Variants in TSHZ2 observed in about 807,000 individuals in gnomAD.
The protein encoded by TSHZ2 is teashirt zinc finger homeobox 2, also known as teashirt homolog 2.
A neutral mutation model predicts 74.4 loss-of-function variants in TSHZ2; 21 were observed. The observed-to-expected ratio is 0.28, with a 90% CI of 0.20 to 0.41. TSHZ2 has a LOEUF of 0.41. Ranked by LOEUF, TSHZ2 falls within the 10% of genes least tolerant of loss-of-function variation. The pLI, the probability that TSHZ2 is intolerant of heterozygous loss-of-function variation, is 1.00. For missense variants in TSHZ2, 1,244 were observed against 1,293.5 expected (o/e 0.96, Z 0.59); for synonymous variants, 540 against 515.3 (o/e 1.05, Z -0.65).
At chr20:53,320,545 G>A (rs1979216242) in intron 2 of TSHZ2, among the ~76,000 whole-genome samples, 1 of 152,040 alleles carries the variant, frequency 6.6e-6, no homozygotes, top group South Asian at 2.1e-4. Flanking sequence ...CAATGAAAAT[G>A]CAATAACAAG....
intron 2 of TSHZ2, among the ~76,000 whole-genome samples, chr20:53,375,527 A>G (rs1344865098): frequency 1.3e-5 from 2 of 152,224 alleles, no homozygotes; most frequent in Non-Finnish European, 2.9e-5. Context: ...ATAACCTCCC[A>G]TTAGTCATCA....
chr20:53,480,275 G>T (rs1394812974), intron 2 of TSHZ2, among the ~76,000 whole-genome samples: 1 of 151,768 alleles, frequency 6.6e-6, no homozygotes, highest in Non-Finnish European at 1.5e-5. Context: ...CTCCATGTTG[G>T]CCAGGCTGGT....
At chr20:53,349,896 A>T (rs1600824186) in intron 2 of TSHZ2, among the ~76,000 whole-genome samples, 1 of 152,262 alleles carries the variant, frequency 6.6e-6, no homozygotes, top group East Asian at 1.9e-4. Flanking sequence ...GTAGAGAAAA[A>T]ATTAAGGTGT....
At chr20:52,982,376 T>C (rs927789322) in intron 1 of TSHZ2, among the ~76,000 whole-genome samples, 5 of 152,200 alleles carry the variant, frequency 3.3e-5, no homozygotes, top group African/African-American at 1.2e-4. Context: ...ATTCTCCCCC[T>C]GTGTCTATTG....
intron 1 of TSHZ2, among the ~76,000 whole-genome samples, chr20:53,139,587 AT>A (rs1987337234): frequency 6.6e-6 from 1 of 152,182 alleles, no homozygotes. Context: ...ACTGGCCAGC[AT>A]TTTGCTTTTA....
Position 53,254,441 on chromosome 20 carries a change from A to G in TSHZ2, c.983A>G (p.Asn328Ser), listed in dbSNP as rs2123722952. The G allele has an allele frequency of 6.2e-7, 1 of 1,613,578 alleles. No individual in the cohort carries two copies. Among genetic ancestry groups the G allele is most frequent in the Non-Finnish European group, 8.5e-7 (1 of 1,179,534 alleles). The change falls in exon 2 of 3, where the codon AAT (asparagine) becomes AGT (serine). Residue 328 changes from asparagine (N) to serine (S), a missense_variant. Coordinates refer to ENST00000371497, the MANE Select transcript of TSHZ2 (RefSeq NM_173485.6). The stretch of plus-strand genomic sequence containing the variant: ...GCTAAGAAACGCGTTTTTGATGTCA[A>G]TCGGCCGTGTTCCCCCGATTCAACC... ...TPAKKRVFDV[N>S]RPCSPDSTTG... is the part of the protein sequence containing the mutation.
intron 2 of TSHZ2, among the ~76,000 whole-genome samples, chr20:53,391,978 C>A (rs773033243): frequency 2.0e-5 from 3 of 152,090 alleles, no homozygotes; most frequent in Non-Finnish European, 4.4e-5. Flanking sequence ...AGTAATTTTA[C>A]ATCTCTGAAT....
chr20:53,226,830 A>G (rs1269442081), intron 1 of TSHZ2, among the ~76,000 whole-genome samples: 2 of 152,058 alleles, frequency 1.3e-5, no homozygotes, highest in Admixed American at 1.3e-4. Context: ...GACTCCAGAT[A>G]TTGTGCCCTG....
At chr20:53,395,079 G>A (rs1326570061) in intron 2 of TSHZ2, among the ~76,000 whole-genome samples, 1 of 152,138 alleles carries the variant, frequency 6.6e-6, no homozygotes, top group Non-Finnish European at 1.5e-5. Flanking sequence ...GTGGAGGAAA[G>A]TAGAATTCAG....
intron 2 of TSHZ2, among the ~76,000 whole-genome samples, chr20:53,426,664 A>G (rs1983668443): frequency 6.6e-6 from 1 of 152,208 alleles, no homozygotes; most frequent in African/African-American, 2.4e-5. Context: ...ACTGCTAATA[A>G]AGTATACTTG....
intron 1 of TSHZ2, among the ~76,000 whole-genome samples, chr20:53,101,130 T>A (rs1011956739): frequency 3.3e-5 from 5 of 152,212 alleles, no homozygotes; most frequent in African/African-American, 1.2e-4. Context: ...TCTAAGGACA[T>A]CTGTGGTCTC....
chr20:53,451,952 G>A (rs1245212109), intron 2 of TSHZ2, among the ~76,000 whole-genome samples: 1 of 152,218 alleles, frequency 6.6e-6, no homozygotes, highest in Non-Finnish European at 1.5e-5. Flanking sequence ...AAAGCAGGTC[G>A]AATCCAAGGC....
At chr20:52,979,569 G>A (rs1981483018) in intron 1 of TSHZ2, among the ~76,000 whole-genome samples, 2 of 152,168 alleles carry the variant, frequency 1.3e-5, no homozygotes, top group Non-Finnish European at 2.9e-5. Flanking sequence ...GGGAATTGCT[G>A]ATATATTTGT....
intron 1 of TSHZ2, among the ~76,000 whole-genome samples, chr20:53,001,224 G>GTGTGTA (rs1555813602): frequency 1.4e-5 from 2 of 147,740 alleles, no homozygotes; most frequent in Non-Finnish European, 3.0e-5. Context: ...GTGTGTGTGT[G>GTGTGTA]TGTGTGTGTG....
At chr20:53,397,043 A>C (rs1982476124) in intron 2 of TSHZ2, among the ~76,000 whole-genome samples, 1 of 152,182 alleles carries the variant, frequency 6.6e-6, no homozygotes, top group African/African-American at 2.4e-5. Context: ...CCTAGGCAAT[A>C]CCATTTAGGA....
chr20:53,014,833 C>A (rs1017330635), intron 1 of TSHZ2, among the ~76,000 whole-genome samples: 1 of 152,118 alleles, frequency 6.6e-6, no homozygotes, highest in South Asian at 2.1e-4. Context: ...TCCCTGAAGC[C>A]CCAGTACAAC....
At chr20:53,308,296 A>G (rs886583387) in intron 2 of TSHZ2, among the ~76,000 whole-genome samples, 1 of 152,162 alleles carries the variant, frequency 6.6e-6, no homozygotes, top group Non-Finnish European at 1.5e-5. Flanking sequence ...GGGCGAGTTC[A>G]GGAAAATGTT....
chr20:52,986,292 CTCA>C (rs995330446), intron 1 of TSHZ2, among the ~76,000 whole-genome samples: 3 of 151,142 alleles, frequency 2.0e-5, no homozygotes, highest in African/African-American at 7.3e-5. Context: ...AACCCAGCTA[CTCA>C]GGAGGCTGAA....
chr20:53,097,170 G>C (rs1487062201), intron 1 of TSHZ2, among the ~76,000 whole-genome samples: 1 of 152,070 alleles, frequency 6.6e-6, no homozygotes, highest in Admixed American at 6.5e-5. Flanking sequence ...ATGGGATGAG[G>C]GACAGGGTGG....
Sources: allele counts gnomAD v4.1 joint callset (sites outside exome capture counted in the v4.1 genomes callset), GRCh38; gene constraint gnomAD v4.1.1; transcripts MANE v1.5; gene names NCBI Gene and HGNC (gene_info 2026-07-23, HGNC 2026-07-21).